The following GNAL variants were observed in gnomAD, a reference collection of about 807,000 sequenced individuals.
The protein encoded by GNAL is guanine nucleotide-binding protein G(olf) subunit alpha.
Under a neutral mutation model 55.1 loss-of-function variants are expected in GNAL, and 18 were observed. The ratio of observed to expected loss-of-function variants is 0.33; its 90% CI spans 0.23 to 0.48. GNAL has a LOEUF of 0.48. Among genes scored for constraint, GNAL ranks in the 20% least tolerant of loss-of-function variants. GNAL has a pLI of 0.99. For missense variants in GNAL, 412 were observed against 614.1 expected (o/e 0.67, Z 3.48); for synonymous variants, 253 against 237.0 (o/e 1.07, Z -0.62).
rs75949105 is a variant in GNAL, at chr18:11,884,746, G to A, written c.*3611G>A. Reference sequence around the variant, plus strand: ...GTCCCCCTCAGGTGAGGCAGGGAACGGGCCCTCCTCACCTGAGACCAAGGG... The same window carrying A: ...GTCCCCCTCAGGTGAGGCAGGGAACAGGCCCTCCTCACCTGAGACCAAGGG... On this transcript the variant is annotated 3_prime_UTR_variant, in exon 12 of 12. Transcript: ENST00000334049. The A allele has an allele frequency of 6.2e-5, 82 of 1,321,246 alleles. No individual in the cohort carries two copies. In the East Asian group the frequency reaches 1.1e-3, roughly 17 times the overall value. 81.8% of individuals were successfully genotyped at this position (1,321,246 alleles called of 1,614,324 possible). A position where few individuals can be genotyped will look rare whatever the true frequency, so the allele number is the denominator to read the frequency against.
chr18:11,703,701 C>G (rs952996845), intron 1 of GNAL, among the ~76,000 whole-genome samples: 3 of 151,922 alleles, frequency 2.0e-5, no homozygotes, highest in African/African-American at 4.8e-5. Flanking sequence ...GTTTTTTGCT[C>G]TAATGACATT....
intron 5 of GNAL, among the ~76,000 whole-genome samples, chr18:11,840,009 G>C (rs535523304): frequency 6.6e-6 from 1 of 152,154 alleles, no homozygotes; most frequent in African/African-American, 2.4e-5. Flanking sequence ...ATGCATTAGC[G>C]GTTAGAATTA....
At chr18:11,878,611 G>T (rs962483561) in intron 11 of GNAL, among the ~76,000 whole-genome samples, 1 of 152,046 alleles carries the variant, frequency 6.6e-6, no homozygotes, top group African/African-American at 2.4e-5. Flanking sequence ...TGTCACCCAG[G>T]CTGCCTGGAG....
At position 11,689,948 on chromosome 18, in the gene GNAL, C is replaced by T; in HGVS notation, c.376+9C>T. The T allele has an allele frequency of 1.6e-6, 2 of 1,284,204 alleles. No homozygotes were observed. Among genetic ancestry groups the T allele is most frequent in the Non-Finnish European group, 2.0e-6 (2 of 1,013,750 alleles). The allele number at this position is 1,284,204 out of a possible 1,614,324, so 79.6% of individuals were successfully genotyped here. ...CCGGCTCCTGCTGCTCGGTAGGTCC[C>T]GGCCGCGAGGTCGGCTGACGCCCCG... On this transcript the variant is annotated intron_variant, in intron 1 of 11. Transcript: ENST00000334049.
chr18:11,851,438 G>A (rs1011349110), intron 5 of GNAL: 10 of 1,446,274 alleles, frequency 6.9e-6, no homozygotes, highest in African/African-American at 1.4e-5. Context: ...GCGGCCGGGA[G>A]CGGACTTACC....
intron 4 of GNAL, among the ~76,000 whole-genome samples, chr18:11,788,910 A>ATATATATATATATAT (rs1314963053): frequency 1.8e-4 from 13 of 73,350 alleles, no homozygotes; most frequent in South Asian, 1.2e-3. Flanking sequence ...AAAAAAAAAA[A>ATATATATATATATAT]AAAAATATAT....
chr18:11,705,815 G>A (rs1170412373), intron 1 of GNAL, among the ~76,000 whole-genome samples: 1 of 149,356 alleles, frequency 6.7e-6, no homozygotes, highest in Non-Finnish European at 1.5e-5. Flanking sequence ...GATTGCAGTG[G>A]CACGATTTCG....
At chr18:11,732,093 T>C (rs2032352276) in intron 1 of GNAL, among the ~76,000 whole-genome samples, 1 of 152,256 alleles carries the variant, frequency 6.6e-6, no homozygotes, top group Non-Finnish European at 1.5e-5. Flanking sequence ...GGTGGACATT[T>C]GCGTGTTTCT....
intron 5 of GNAL, among the ~76,000 whole-genome samples, chr18:11,825,884 TAAG>T (rs2035231332): frequency 6.6e-6 from 1 of 152,196 alleles, no homozygotes; most frequent in Non-Finnish European, 1.5e-5. Context: ...GTTAAATTAT[TAAG>T]AAGTTCTAGA....
At chr18:11,863,640 TG>T (rs2036196930) in intron 6 of GNAL, among the ~76,000 whole-genome samples, 1 of 151,856 alleles carries the variant, frequency 6.6e-6, no homozygotes, top group African/African-American at 2.4e-5. Flanking sequence ...CACATGGATT[TG>T]GGGGTCAGGA....
At chr18:11,750,521 C>T (rs1404720037) in intron 1 of GNAL, among the ~76,000 whole-genome samples, 1 of 152,062 alleles carries the variant, frequency 6.6e-6, no homozygotes, top group Non-Finnish European at 1.5e-5. Context: ...CCCGGATGCA[C>T]CGGCCAGAGG....
chr18:11,789,915 A>G (rs183467021), intron 4 of GNAL, among the ~76,000 whole-genome samples: 1 of 152,346 alleles, frequency 6.6e-6, no homozygotes, highest in Non-Finnish European at 1.5e-5. Flanking sequence ...CCTCAGATAA[A>G]AGGATTTTGT....
At chr18:11,738,571 C>G (rs574080310) in intron 1 of GNAL, among the ~76,000 whole-genome samples, 4 of 152,286 alleles carry the variant, frequency 2.6e-5, no homozygotes, top group African/African-American at 9.6e-5. Flanking sequence ...CCTCAGCCTG[C>G]TGAGTAGCTG....
intron 4 of GNAL, among the ~76,000 whole-genome samples, chr18:11,756,319 G>A (rs1178060135): frequency 6.6e-6 from 1 of 152,074 alleles, no homozygotes; most frequent in Non-Finnish European, 1.5e-5. Flanking sequence ...ATAAATTAAG[G>A]TTACTTAAAA....
At chr18:11,728,579 A>G (rs1440294435) in intron 1 of GNAL, among the ~76,000 whole-genome samples, 5 of 152,168 alleles carry the variant, frequency 3.3e-5, no homozygotes, top group Non-Finnish European at 7.4e-5. Context: ...AATTGTTTCT[A>G]ACAGGTGTTT....
chr18:11,834,260 A>G (rs2035452477), intron 5 of GNAL, among the ~76,000 whole-genome samples: 1 of 152,230 alleles, frequency 6.6e-6, no homozygotes, highest in Non-Finnish European at 1.5e-5. Flanking sequence ...TGGACTCAAC[A>G]TCCAGCTTAT....
chr18:11,758,430 C>A (rs537085842), intron 4 of GNAL, among the ~76,000 whole-genome samples: 79 of 152,106 alleles, frequency 5.2e-4, no homozygotes, highest in Non-Finnish European at 1.0e-3. Context: ...TACAGTTATT[C>A]CCTTCACAAG....
chr18:11,885,197 G>T lies in GNAL; in HGVS notation c.*4062G>T. 2.2e-6 allele frequency: 1 copy of T among 459,484 alleles called. No homozygotes were observed. Among genetic ancestry groups the T allele is most frequent in the Non-Finnish European group, 3.3e-6 (1 of 299,474 alleles). The allele number at this position is 459,484 out of a possible 1,614,324, so 28.5% of individuals were successfully genotyped here. ...TGAAGTAAAAGAACCTGTCGTACCA[G>T]CATCATGAGCTGGATGCAGGAGCCC... On this transcript the variant is annotated 3_prime_UTR_variant, in exon 12 of 12. Coordinates refer to ENST00000334049, the MANE Select transcript of GNAL (RefSeq NM_182978.4).
rs1210327904 is a variant in GNAL, at chr18:11,796,600, A to AAAC, written c.625-28318_625-28317insAAC. ...CAAAAAAAAAAAAAAAAAAAACAAA[A>AAAC]CACGCAACCTTTCCATTGTCCCATC... On this transcript the variant is annotated intron_variant, in intron 4 of 11. Transcript: ENST00000334049. Among the ~76,000 whole-genome samples, 416 of 149,762 alleles carry AAAC rather than the reference A, an allele frequency of 2.8e-3. 4 individuals are homozygous for AAAC. Among genetic ancestry groups the AAAC allele is most frequent in the African/African-American group, 9.7e-3 (391 of 40,238 alleles).
Sources: allele counts gnomAD v4.1 joint callset (sites outside exome capture counted in the v4.1 genomes callset), GRCh38; gene constraint gnomAD v4.1.1; transcripts MANE v1.5; gene names NCBI Gene and HGNC (gene_info 2026-07-23, HGNC 2026-07-21).